The following RCN2 variants were observed in gnomAD, a reference collection of about 807,000 sequenced individuals.
RCN2 encodes the protein reticulocalbin-2.
In RCN2, 23 loss-of-function variants were observed where a neutral mutation model predicts 37.5. The observed-to-expected ratio is 0.61, with a 90% CI of 0.44 to 0.87. The LOEUF is 0.87. Ranked by LOEUF, RCN2 falls within the 40% of genes least tolerant of loss-of-function variation. The pLI, the probability that RCN2 is intolerant of heterozygous loss-of-function variation, is 0.00. For synonymous variants in RCN2, 140 were observed against 144.6 expected (o/e 0.97, Z 0.23); for missense variants, 381 against 390.4 (o/e 0.98, Z 0.20).
chr15:76,937,503 G>A (rs2075257229), intron 3 of RCN2, among the ~76,000 whole-genome samples: 1 of 151,804 alleles, frequency 6.6e-6, no homozygotes, highest in African/African-American at 2.4e-5. Context: ...TGCCTCCTGG[G>A]CTCAAGCAGT....
At chr15:76,932,524 G>A in intron 2 of RCN2, 58 bp downstream of exon 2, 1 of 1,181,852 alleles carries the variant, frequency 8.5e-7, no homozygotes, top group Non-Finnish European at 1.2e-6. Flanking sequence ...TTAAGCAGCG[G>A]TGTCTGCTGA....
chr15:76,940,546 C>CT (rs11463370), intron 3 of RCN2, among the ~76,000 whole-genome samples: 44,184 of 119,640 alleles, frequency 0.37, 9,836 homozygotes, highest in Non-Finnish European at 0.48. Context: ...TGAACTTCAC[C>CT]TTTTTTTTTT....
rs2075307975 is a variant in RCN2, at chr15:76,949,059, T to G, written c.802-11T>G. On this transcript the variant is annotated splice_polypyrimidine_tract_variant and intron_variant, in intron 6 of 6. Coordinates refer to ENST00000394885, the MANE Select transcript of RCN2 (RefSeq NM_002902.3). ...TTATTACACTTGACACTTTTTTGTT[T>G]TATTTTGAAGGCGCTTCATCTAATT... The G allele has an allele frequency of 6.9e-6, 11 of 1,585,876 alleles. No homozygotes were observed. The highest frequency in any genetic ancestry group is 8.6e-6 in the Non-Finnish European group (10 of 1,169,532).
At position 76,931,770 on chromosome 15, in the gene RCN2, G is replaced by A; in HGVS notation, c.-72G>A. On this transcript the variant is annotated 5_prime_UTR_variant, in exon 1 of 7. Coordinates refer to ENST00000394885, the MANE Select transcript of RCN2 (RefSeq NM_002902.3). ...CCGCCTCTCTGTAGCCGCCCGCGGA[G>A]CATCGCAGCCGGCCCGGGCCCCCGC... The A allele has an allele frequency of 7.1e-6, 8 of 1,134,014 alleles. No homozygotes were observed. The highest frequency in any genetic ancestry group is 4.2e-5 in the South Asian group (1 of 23,656). 70.2% of individuals were successfully genotyped at this position (1,134,014 alleles called of 1,614,324 possible). A position where few individuals can be genotyped will look rare whatever the true frequency, so the allele number is the denominator to read the frequency against.
In RCN2 at chr15:76,950,386, C is replaced by CTTTTTTTT. The variant is rs67783519; in HGVS notation, c.*1177_*1184dup. On this transcript the variant is annotated 3_prime_UTR_variant, in exon 7 of 7. Coordinates refer to ENST00000394885, the MANE Select transcript of RCN2 (RefSeq NM_002902.3). ...TGATGTACAGAGATTGTTTTTCATT[C>CTTTTTTTT]TTTTTTTTTTTTTTTTTTTTGTGAC... The CTTTTTTTT allele has an allele frequency of 6.6e-5, 7 of 105,462 alleles. No individual in the cohort carries two copies. The highest frequency in any genetic ancestry group is 3.0e-4 in the East Asian group (1 of 3,310). 6.5% of individuals were successfully genotyped at this position (105,462 alleles called of 1,614,324 possible).
chr15:76,952,476 T>G lies in RCN2; in HGVS notation c.*3254T>G, dbSNP rs973113631. 1 of 152,202 alleles carries G rather than the reference T, an allele frequency of 6.6e-6. No individual in the cohort carries two copies. The highest frequency in any genetic ancestry group is 1.5e-5 in the Non-Finnish European group (1 of 68,042). 9.4% of individuals were successfully genotyped at this position (152,202 alleles called of 1,614,324 possible). A position where few individuals can be genotyped will look rare whatever the true frequency, so the allele number is the denominator to read the frequency against. ...ATCTTAACAGTTTTTAATTGTACAGTTCGGTGGTATGGTATTAAATACAGT... is the reference window on the plus strand; with the variant it reads ...ATCTTAACAGTTTTTAATTGTACAGGTCGGTGGTATGGTATTAAATACAGT... On this transcript the variant is annotated 3_prime_UTR_variant, in exon 7 of 7. Coordinates refer to ENST00000394885, the MANE Select transcript of RCN2 (RefSeq NM_002902.3).
intron 4 of RCN2, among the ~76,000 whole-genome samples, chr15:76,944,358 T>G (rs530039293): frequency 6.6e-6 from 1 of 152,286 alleles, no homozygotes; most frequent in East Asian, 1.9e-4. Context: ...CGAACTTTTA[T>G]CCTTTGTGTT....
At chr15:76,947,119 T>C (rs1177382612) in intron 4 of RCN2, among the ~76,000 whole-genome samples, 1 of 152,174 alleles carries the variant, frequency 6.6e-6, no homozygotes, top group East Asian at 1.9e-4. Flanking sequence ...TGAGGTTGTT[T>C]ATGAGAGTGA....
chr15:76,934,569 G>A (rs1235846227), intron 2 of RCN2, among the ~76,000 whole-genome samples: 1 of 152,180 alleles, frequency 6.6e-6, no homozygotes, highest in African/African-American at 2.4e-5. Flanking sequence ...CCATAACTTC[G>A]TTAAAATTTA....
intron 4 of RCN2, among the ~76,000 whole-genome samples, chr15:76,946,767 T>C (rs754190218): frequency 4.0e-5 from 6 of 150,350 alleles, no homozygotes. Context: ...AAAAAGGAGA[T>C]AGGAAGATAT....
rs1278123880 is a variant in RCN2 at position 76,950,526 on chromosome 15, C to G, written c.*1304C>G. On this transcript the variant is annotated 3_prime_UTR_variant, in exon 7 of 7. Coordinates refer to ENST00000394885, the MANE Select transcript of RCN2 (RefSeq NM_002902.3). ...GCCTCAGCCTCCCGAGTAGCTGGGA[C>G]TACAGGCGCCTGCCACCACACCCGG... is the stretch of plus-strand genomic sequence containing the variant. 1.3e-5 allele frequency: 2 copies of G among 151,598 alleles called. No individual in the cohort carries two copies. The highest frequency in any genetic ancestry group is 2.9e-5 in the Non-Finnish European group (2 of 67,976). The allele number at this position is 151,598 out of a possible 1,614,324, so 9.4% of individuals were successfully genotyped here. A position where few individuals can be genotyped will look rare whatever the true frequency, so the allele number is the denominator to read the frequency against.
rs1431164962 is a variant in RCN2 at position 76,953,873 on chromosome 15, C to T, written c.*4651C>T. 1 of 151,308 alleles carries T rather than the reference C, an allele frequency of 6.6e-6. No homozygotes were observed. Among genetic ancestry groups the T allele is most frequent in the East Asian group, 1.9e-4 (1 of 5,158 alleles). The allele number at this position is 151,308 out of a possible 1,614,324, so 9.4% of individuals were successfully genotyped here. A position where few individuals can be genotyped will look rare whatever the true frequency, so the allele number is the denominator to read the frequency against. On this transcript the variant is annotated 3_prime_UTR_variant, in exon 7 of 7. Coordinates refer to ENST00000394885, the MANE Select transcript of RCN2 (RefSeq NM_002902.3). ...CCGCCCGCCTTGGCCTCCCAAAGTGCTGGGATTACAGGCGTGAGCCACCGC... is the reference window on the plus strand; with the variant it reads ...CCGCCCGCCTTGGCCTCCCAAAGTGTTGGGATTACAGGCGTGAGCCACCGC...
Position 76,945,648 on chromosome 15 carries a change from G to T in RCN2, c.562-1773G>T, listed in dbSNP as rs76520060. Among the ~76,000 whole-genome samples, 641 of 152,298 alleles carry T rather than the reference G, an allele frequency of 4.2e-3. 7 individuals are homozygous for T. Among genetic ancestry groups the T allele is most frequent in the African/African-American group, 0.015 (617 of 41,568 alleles). On this transcript the variant is annotated intron_variant, in intron 4 of 6. Coordinates refer to ENST00000394885, the MANE Select transcript of RCN2 (RefSeq NM_002902.3). ...AGACTAAACATTTATATTGAAGTCT[G>T]TTGCATGACATCAGCCTCCAGCTAC...
rs67783519 is a variant in RCN2 at position 76,950,386 on chromosome 15, C to CTTTTTTTTTTTTTTTTT, written c.*1168_*1184dup. The CTTTTTTTTTTTTTTTTT allele has an allele frequency of 9.5e-6, 1 of 105,464 alleles. No homozygotes were observed. The highest frequency in any genetic ancestry group is 1.9e-5 in the Non-Finnish European group (1 of 53,654). 6.5% of individuals were successfully genotyped at this position (105,464 alleles called of 1,614,324 possible). On this transcript the variant is annotated 3_prime_UTR_variant, in exon 7 of 7. Transcript: ENST00000394885. ...TGATGTACAGAGATTGTTTTTCATT[C>CTTTTTTTTTTTTTTTTT]TTTTTTTTTTTTTTTTTTTTGTGAC...
intron 3 of RCN2, among the ~76,000 whole-genome samples, chr15:76,940,618 G>A (rs911366458): frequency 1.2e-4 from 18 of 144,694 alleles, no homozygotes; most frequent in African/African-American, 4.6e-4. Context: ...GTGCAATCTC[G>A]GCTCACTGCA....
intron 5 of RCN2, 68 bp from the exon 6 acceptor site, chr15:76,948,342 A>G: frequency 8.9e-7 from 1 of 1,125,092 alleles, no homozygotes; most frequent in Admixed American, 2.4e-5. Context: ...TTCTAGGGAT[A>G]TACCAAACTT....
At chr15:76,944,971 T>C (rs1028624243) in intron 4 of RCN2, among the ~76,000 whole-genome samples, 4 of 152,224 alleles carry the variant, frequency 2.6e-5, no homozygotes, top group African/African-American at 7.2e-5. Flanking sequence ...TCCATAGTGG[T>C]TGTATGAATT....
chr15:76,935,859 C>T, intron 3 of RCN2, 137 bp downstream of exon 3: 1 of 588,234 alleles, frequency 1.7e-6, no homozygotes, highest in Non-Finnish European at 2.9e-6. Context: ...TCCACTTCAG[C>T]AGTCATTTTG....
intron 4 of RCN2, among the ~76,000 whole-genome samples, chr15:76,945,130 T>G (rs1194265616): frequency 6.6e-6 from 1 of 152,232 alleles, no homozygotes; most frequent in Non-Finnish European, 1.5e-5. Context: ...TTTCTTGTGG[T>G]GACGAAGTTG....
Sources: gnomAD v4.1 joint callset for allele counts (sites outside exome capture counted in the v4.1 genomes callset) on GRCh38, gnomAD v4.1.1 for gene constraint, MANE v1.5 for transcripts, NCBI Gene and HGNC (gene_info 2026-07-23, HGNC 2026-07-21) for gene names.